GALNT18: variants seen among roughly 807,000 people sequenced by gnomAD.
The protein encoded by GALNT18 is GalNAc-transferase 18.
GALNT18 carries 44 observed loss-of-function variants against 69.5 expected under a neutral mutation model. The ratio of observed to expected loss-of-function variants is 0.63; its 90% CI spans 0.50 to 0.81. The LOEUF is 0.81. Among genes scored for constraint, GALNT18 ranks in the 40% least tolerant of loss-of-function variants. The pLI is 0.00. For synonymous variants in GALNT18, 364 were observed against 318.2 expected (o/e 1.14, Z -1.53); for missense variants, 715 against 810.0 (o/e 0.88, Z 1.42).
rs552065862 is a variant in GALNT18 at position 11,479,956 on chromosome 11, G to A, written c.236-31020C>T. 8.5e-5 allele frequency among the ~76,000 whole-genome samples: 13 copies of A among 152,226 alleles called. No homozygotes were observed. In the South Asian group the frequency reaches 1.7e-3, roughly 20 times the overall value. On this transcript the variant is annotated intron_variant, in intron 1 of 10. Coordinates refer to ENST00000227756, the MANE Select transcript of GALNT18 (RefSeq NM_198516.3). ...AAGTTACCTAGATGCTCTACCTCCC[G>A]GGTCCAGGAGTGATAGAGAAGATGA...
chr11:11,561,926 GCAC>G (rs1375938915), intron 1 of GALNT18, among the ~76,000 whole-genome samples: 2 of 152,224 alleles, frequency 1.3e-5, no homozygotes, highest in Non-Finnish European at 2.9e-5. Context: ...TATTACCTCT[GCAC>G]CCTGACCAAG....
At chr11:11,492,192 C>G (rs1009528376) in intron 1 of GALNT18, among the ~76,000 whole-genome samples, 2 of 152,218 alleles carry the variant, frequency 1.3e-5, no homozygotes, top group Non-Finnish European at 2.9e-5. Context: ...CAAAGGCCAC[C>G]ATTTCATCCA....
chr11:11,577,193 TTC>T (rs1858946939), intron 1 of GALNT18, among the ~76,000 whole-genome samples: 1 of 152,196 alleles, frequency 6.6e-6, no homozygotes, highest in Non-Finnish European at 1.5e-5. Context: ...ACCTGGCCCA[TTC>T]CAGGGGCTCA....
rs2133975357 is a variant in GALNT18, at chr11:11,555,742, ACCTCCTCAGATCAGGGG to A, written c.235+65600_235+65616del. 6.6e-6 allele frequency among the ~76,000 whole-genome samples: 1 copy of A among 152,230 alleles called. No homozygotes were observed. Among genetic ancestry groups the A allele is most frequent in the South Asian group, 2.1e-4 (1 of 4,818 alleles). ...CAAGGGTGCACCTCCCTCAGCCAGAACCTCCTCAGATCAGGGGCCTCCTCAGGTAAGCCCATGACCAG... is the reference window on the plus strand; with the variant it reads ...CAAGGGTGCACCTCCCTCAGCCAGAACCTCCTCAGGTAAGCCCATGACCAG... On this transcript the variant is annotated intron_variant, in intron 1 of 10. Transcript: ENST00000227756. This position sits in a 1 kb window ranked among gnomAD's most constrained non-coding sequence, Gnocchi z 4.7.
At chr11:11,278,454 G>T (rs1293327191) in intron 10 of GALNT18, among the ~76,000 whole-genome samples, 23 of 151,876 alleles carry the variant, frequency 1.5e-4, no homozygotes, top group African/African-American at 5.3e-4. Flanking sequence ...CATGGCACGT[G>T]TATACCTCTG....
chr11:11,434,604 G>T (rs906445164), intron 2 of GALNT18, among the ~76,000 whole-genome samples: 20 of 152,240 alleles, frequency 1.3e-4, no homozygotes, highest in Non-Finnish European at 1.2e-4. Flanking sequence ...CTCTGAGGAA[G>T]AGAGATTGGA....
chr11:11,529,760 A>G (rs4910373), intron 1 of GALNT18, among the ~76,000 whole-genome samples: 114,236 of 152,002 alleles, frequency 0.75, 43,646 homozygotes, highest in African/African-American at 0.89. Flanking sequence ...ACGTATGCAC[A>G]TGTACCTATA....
chr11:11,303,599 G>A (rs1031250443), intron 9 of GALNT18, among the ~76,000 whole-genome samples: 57 of 151,602 alleles, frequency 3.8e-4, no homozygotes, highest in African/African-American at 1.1e-3. Flanking sequence ...GGGCCCTAGC[G>A]CAACCTCAGT....
intron 1 of GALNT18, among the ~76,000 whole-genome samples, chr11:11,485,793 C>T (rs1856631634): frequency 6.6e-6 from 1 of 152,200 alleles, no homozygotes; most frequent in African/African-American, 2.4e-5. Context: ...AAGTGGCAGG[C>T]CAGCAAGCTG....
chr11:11,375,797 G>T (rs1853736503), intron 5 of GALNT18, among the ~76,000 whole-genome samples: 1 of 152,194 alleles, frequency 6.6e-6, no homozygotes, highest in Non-Finnish European at 1.5e-5. Flanking sequence ...TTGTGGCAGG[G>T]GCCGAGCAGA....
At chr11:11,491,959 C>G (rs1338492237) in intron 1 of GALNT18, among the ~76,000 whole-genome samples, 1 of 152,178 alleles carries the variant, frequency 6.6e-6, no homozygotes, top group South Asian at 2.1e-4. Flanking sequence ...AAGCTCATCT[C>G]TCATAGAAAG....
At chr11:11,408,364 CAAAAA>C (rs57957956) in intron 3 of GALNT18, among the ~76,000 whole-genome samples, 12 of 70,908 alleles carry the variant, frequency 1.7e-4, no homozygotes, top group Admixed American at 7.4e-4. Context: ...GACTTCATCT[CAAAAA>C]AAAAAAAAAA....
intron 3 of GALNT18, among the ~76,000 whole-genome samples, chr11:11,399,467 GTT>G (rs11455241): frequency 8.2e-4 from 124 of 152,066 alleles, no homozygotes; most frequent in African/African-American, 2.8e-3. Flanking sequence ...GCCCAGCATA[GTT>G]TTTTTTATCA....
chr11:11,281,929 C>G (rs1356376671), intron 10 of GALNT18, among the ~76,000 whole-genome samples: 3 of 151,816 alleles, frequency 2.0e-5, no homozygotes, highest in African/African-American at 7.3e-5. Flanking sequence ...GGGGAGGGTG[C>G]TCTAGAACTG....
chr11:11,448,547 A>T (rs985337365), intron 2 of GALNT18, among the ~76,000 whole-genome samples, 197 bp downstream of exon 2: 1 of 152,228 alleles, frequency 6.6e-6, no homozygotes, highest in Admixed American at 6.5e-5. Flanking sequence ...CTTTGCCCCT[A>T]CTCAGCTAAT....
intron 2 of GALNT18, among the ~76,000 whole-genome samples, chr11:11,443,799 C>A (rs779855492): frequency 2.6e-4 from 40 of 152,312 alleles, no homozygotes; most frequent in Non-Finnish European, 4.9e-4. Context: ...CTGCCTCCCC[C>A]AGTTCTTCCC....
chr11:11,561,675 G>A (rs570455917), intron 1 of GALNT18, among the ~76,000 whole-genome samples: 69 of 152,278 alleles, frequency 4.5e-4, no homozygotes, highest in African/African-American at 1.6e-3. Flanking sequence ...ACTGTGCCCA[G>A]CGATCTTCCC....
At chr11:11,312,235 C>G (rs10831584) in intron 9 of GALNT18, among the ~76,000 whole-genome samples, 66,112 of 151,718 alleles carry the variant, frequency 0.44, 14,463 homozygotes, top group Admixed American at 0.48. Flanking sequence ...AGTCGTGAGC[C>G]ACCACGCCCG....
chr11:11,492,513 A>G (rs1460988524), intron 1 of GALNT18, among the ~76,000 whole-genome samples: 1 of 152,218 alleles, frequency 6.6e-6, no homozygotes, highest in African/African-American at 2.4e-5. Context: ...TCCATCAATG[A>G]TAGACTGGAT....
Sources: gnomAD v4.1 joint callset for allele counts (sites outside exome capture counted in the v4.1 genomes callset) on GRCh38, gnomAD v4.1.1 for gene constraint, Gnocchi (gnomAD v3.1) non-coding constraint, MANE v1.5 for transcripts, NCBI Gene and HGNC (gene_info 2026-07-23, HGNC 2026-07-21) for gene names.